The following MYO1D variants were observed in gnomAD, a reference collection of about 807,000 sequenced individuals.
MYO1D encodes myosin ID, also known as unconventional myosin-Id.
In MYO1D, 83 loss-of-function variants were observed where a neutral mutation model predicts 122.0. The ratio of observed to expected loss-of-function variants is 0.68; its 90% CI spans 0.57 to 0.82. MYO1D has a LOEUF of 0.82. Among genes scored for constraint, MYO1D ranks in the 40% least tolerant of loss-of-function variants. The pLI, the probability that MYO1D is intolerant of heterozygous loss-of-function variation, is 0.00. For synonymous variants in MYO1D, 464 were observed against 446.9 expected (o/e 1.04, Z -0.48); for missense variants, 1,157 against 1,269.5 (o/e 0.91, Z 1.35).
At chr17:32,797,303 T>G (rs988975968) in intron 1 of MYO1D, among the ~76,000 whole-genome samples, 1 of 152,208 alleles carries the variant, frequency 6.6e-6, no homozygotes, top group Non-Finnish European at 1.5e-5. Context: ...TAGTTTCTTA[T>G]CCCACTTTTC....
At chr17:32,696,394 G>A (rs2089174412) in intron 16 of MYO1D, among the ~76,000 whole-genome samples, 3 of 152,042 alleles carry the variant, frequency 2.0e-5, no homozygotes, top group Admixed American at 1.3e-4. Context: ...ACTTGCAGAA[G>A]ACTATGGACA....
At chr17:32,794,079 T>C (rs2090388210) in intron 1 of MYO1D, 1 of 152,254 alleles carries the variant, frequency 6.6e-6, no homozygotes, top group Non-Finnish European at 1.5e-5. Context: ...GGGTTACTTC[T>C]GCTAGCACAG....
intron 1 of MYO1D, among the ~76,000 whole-genome samples, chr17:32,805,990 G>T (rs113293744): frequency 1.3e-3 from 202 of 152,304 alleles, no homozygotes; most frequent in African/African-American, 4.6e-3. Context: ...CGGGTGCAGT[G>T]GCTCACGCCT....
chr17:32,800,685 ATTTG>A (rs1284284715), intron 1 of MYO1D, among the ~76,000 whole-genome samples: 1 of 152,038 alleles, frequency 6.6e-6, no homozygotes, highest in African/African-American at 2.4e-5. Flanking sequence ...TAAAGGAGCT[ATTTG>A]TTTTTGTTTT....
Position 32,494,583 on chromosome 17 carries a change from C to G in MYO1D, c.*176G>C, listed in dbSNP as rs1909016623. The G allele has an allele frequency of 1.0e-5, 8 of 772,704 alleles. No homozygotes were observed. The highest frequency in any genetic ancestry group is 1.8e-5 in the African/African-American group (1 of 57,072). 47.9% of individuals were successfully genotyped at this position (772,704 alleles called of 1,614,324 possible). A position where few individuals can be genotyped will look rare whatever the true frequency, so the allele number is the denominator to read the frequency against. On this transcript the variant is annotated 3_prime_UTR_variant, in exon 22 of 22. Transcript: ENST00000318217. The stretch of plus-strand genomic sequence containing the variant: ...GAACAGGGACCGTGGACAGTAAGGA[C>G]AGAGGAAGATGATACCAAAGGCAGA...
At chr17:32,578,942 T>A (rs533899087) in intron 21 of MYO1D, among the ~76,000 whole-genome samples, 4 of 152,336 alleles carry the variant, frequency 2.6e-5, no homozygotes, top group African/African-American at 9.6e-5. Context: ...TCCTTGACAA[T>A]CTGGTCATAT....
intron 1 of MYO1D, among the ~76,000 whole-genome samples, chr17:32,802,720 A>ATG (rs1296372346): frequency 3.3e-5 from 5 of 152,208 alleles, no homozygotes; most frequent in African/African-American, 7.2e-5. Flanking sequence ...ATATACATGT[A>ATG]TGTGTGTATG....
At position 32,711,994 on chromosome 17, in the gene MYO1D, T is replaced by C; in HGVS notation, c.2115A>G (p.Leu705=). The C allele has an allele frequency of 6.2e-7, 1 of 1,611,316 alleles. No individual in the cohort carries two copies. The highest frequency in any genetic ancestry group is 8.5e-7 in the Non-Finnish European group (1 of 1,178,192). The change falls in exon 16 of 22, where the codon CTA becomes CTG. Residue 705 remains leucine, a synonymous_variant. Coordinates refer to ENST00000318217, the MANE Select transcript of MYO1D (RefSeq NM_015194.3). ...ATATAAAATATAAAATTACCTTTTGTAGAAAGAGGACAATCCTTATGAGCA... is the reference window on the plus strand; with the variant it reads ...ATATAAAATATAAAATTACCTTTTGCAGAAAGAGGACAATCCTTATGAGCA... ...AQMLIRIVLF[L]QKVWRGTLAR...
At chr17:32,753,904 A>C (rs2089922665) in intron 11 of MYO1D, among the ~76,000 whole-genome samples, 2 of 151,898 alleles carry the variant, frequency 1.3e-5, no homozygotes, top group Non-Finnish European at 2.9e-5. Context: ...CTCAAAAGAA[A>C]AAAAAAAAAA....
intron 16 of MYO1D, among the ~76,000 whole-genome samples, chr17:32,692,496 CA>C (rs1272924920): frequency 1.3e-5 from 2 of 152,118 alleles, no homozygotes; most frequent in Middle Eastern, 3.4e-3. Flanking sequence ...AAAGTCTGTT[CA>C]AAAAAATCTT....
chr17:32,604,771 A>G (rs1479398976), intron 21 of MYO1D, among the ~76,000 whole-genome samples: 1 of 152,250 alleles, frequency 6.6e-6, no homozygotes, highest in East Asian at 1.9e-4. Context: ...AGAAGCTATG[A>G]CGAGAAGAAT....
At chr17:32,696,667 T>A (rs2089177669) in intron 16 of MYO1D, among the ~76,000 whole-genome samples, 1 of 152,252 alleles carries the variant, frequency 6.6e-6, no homozygotes, top group Non-Finnish European at 1.5e-5. Context: ...GTGGCACTGC[T>A]GCCACATGTG....
rs1423554169 is a variant in MYO1D, at chr17:32,494,806, A to T, written c.2974T>A (p.Phe992Ile). The change falls in exon 22 of 22, where the codon TTC (phenylalanine) becomes ATC (isoleucine). Residue 992 changes from phenylalanine to isoleucine, a missense_variant. Coordinates refer to ENST00000318217, the MANE Select transcript of MYO1D (RefSeq NM_015194.3). The part of the protein sequence containing the change: ...ETRLNQPQPD[F>I]TKNRSGFILS... ...ATGAAGCCCGAGCGATTCTTGGTGA[A>T]GTCGGGCTGGGGCTGGTTGAGCCGC... The T allele has an allele frequency of 6.2e-7, 1 of 1,613,328 alleles. No individual in the cohort carries two copies. Among genetic ancestry groups the T allele is most frequent in the Non-Finnish European group, 8.5e-7 (1 of 1,179,640 alleles).
intron 21 of MYO1D, among the ~76,000 whole-genome samples, chr17:32,582,307 A>G (rs1206692236): frequency 6.6e-6 from 1 of 152,218 alleles, no homozygotes; most frequent in Non-Finnish European, 1.5e-5. Context: ...ATTGTCCTGT[A>G]TATTTCCATG....
At chr17:32,549,363 TG>T (rs35156116) in intron 21 of MYO1D, among the ~76,000 whole-genome samples, 60,996 of 152,046 alleles carry the variant, frequency 0.4, 12,991 homozygotes, top group East Asian at 0.54. Context: ...CCCAAAGTGC[TG>T]GGATTACAGG....
At chr17:32,801,996 G>C (rs116993959) in intron 1 of MYO1D, among the ~76,000 whole-genome samples, 2 of 152,212 alleles carry the variant, frequency 1.3e-5, no homozygotes, top group Non-Finnish European at 2.9e-5. Context: ...AAAATAAGGA[G>C]AATCAATTCA....
intron 1 of MYO1D, among the ~76,000 whole-genome samples, chr17:32,862,420 T>C (rs987180516): frequency 6.6e-6 from 1 of 152,220 alleles, no homozygotes; most frequent in Non-Finnish European, 1.5e-5. Context: ...CTTAATGGCA[T>C]GGAAAAGCAT....
chr17:32,753,901 G>GAA (rs201189942), intron 11 of MYO1D, among the ~76,000 whole-genome samples: 1 of 86,180 alleles, frequency 1.2e-5, no homozygotes, highest in Non-Finnish European at 2.6e-5. Flanking sequence ...CATCTCAAAA[G>GAA]AAAAAAAAAA....
At chr17:32,869,224 A>T (rs370932571) in intron 1 of MYO1D, among the ~76,000 whole-genome samples, 38 of 152,168 alleles carry the variant, frequency 2.5e-4, no homozygotes, top group African/African-American at 8.9e-4. Flanking sequence ...GTCTCAAAAA[A>T]AAAAAGAGAT....
Sources: allele counts gnomAD v4.1 joint callset (sites outside exome capture counted in the v4.1 genomes callset), GRCh38; gene constraint gnomAD v4.1.1; transcripts MANE v1.5; gene names NCBI Gene and HGNC (gene_info 2026-07-23, HGNC 2026-07-21).